Variants in HEATR4 observed in about 807,000 individuals in gnomAD.
HEATR4 encodes HEAT repeat-containing protein 4.
Under a neutral mutation model 108.8 loss-of-function variants are expected in HEATR4, and 95 were observed. That is an observed-to-expected ratio of 0.87 (90% CI 0.74 to 1.04). HEATR4 has a LOEUF of 1.04. Ranked by LOEUF, HEATR4 falls within the 50% of genes least tolerant of loss-of-function variation. The pLI, the probability that HEATR4 is intolerant of heterozygous loss-of-function variation, is 0.00. For synonymous variants in HEATR4, 443 were observed against 459.4 expected (o/e 0.96, Z 0.46); for missense variants, 1,152 against 1,253.8 (o/e 0.92, Z 1.23).
the HEATR4 span, among the ~76,000 whole-genome samples, chr14:73,614,872 G>A: frequency 6.6e-6 from 1 of 152,026 alleles, no homozygotes; most frequent in Non-Finnish European, 1.5e-5. Flanking sequence ...CGAGGCAGGT[G>A]GATCACCTGA....
chr14:73,506,540 A>C lies in HEATR4; in HGVS notation c.1913T>G (p.Leu638Arg). The change falls in exon 10 of 18, where the codon CTG (leucine) becomes CGG (arginine). Residue 638 changes from leucine to arginine, a missense_variant. Leu to Arg is a moderately radical substitution (Grantham distance 102). Transcript: ENST00000553558. ...CCGGTTCTTCCATTGACAGCTGTTC[A>C]GCTCCACAGCAAGCATGGTGTGTAT... Reference protein sequence around the residue: ...TLIHTMLAVELNSCQWKNRIV... With the variant: ...TLIHTMLAVERNSCQWKNRIV... The C allele has an allele frequency of 1.2e-6, 2 of 1,613,768 alleles. No homozygotes were observed. The highest frequency in any genetic ancestry group is 1.7e-6 in the Non-Finnish European group (2 of 1,179,978).
the HEATR4 span, among the ~76,000 whole-genome samples, chr14:73,594,673 G>GTTATTTATTTATTTAT: frequency 2.0e-5 from 3 of 147,132 alleles, no homozygotes; most frequent in African/African-American, 5.0e-5. Context: ...CATTGGATAA[G>GTTATTTATTTATTTAT]TTATTTATTT....
intron 9 of HEATR4, among the ~76,000 whole-genome samples, chr14:73,506,881 A>G (rs1595107100): frequency 7.3e-6 from 1 of 136,724 alleles, no homozygotes; most frequent in Admixed American, 8.4e-5. Flanking sequence ...GCTCACTGCA[A>G]CCTCCGCCTC....
the HEATR4 span, among the ~76,000 whole-genome samples, chr14:73,590,775 G>A: frequency 4.0e-5 from 6 of 151,810 alleles, no homozygotes; most frequent in Admixed American, 3.3e-4. Context: ...GCGCTGGCCC[G>A]CAAGCCCCGC....
the HEATR4 span, among the ~76,000 whole-genome samples, chr14:73,568,698 T>A: frequency 9.9e-5 from 15 of 151,958 alleles, no homozygotes; most frequent in Admixed American, 4.6e-4. Flanking sequence ...GGCGGGCGGA[T>A]TACAAAGTCA....
At chr14:73,527,883 G>A (rs1177652412) in intron 2 of HEATR4, among the ~76,000 whole-genome samples, 2 of 149,694 alleles carry the variant, frequency 1.3e-5, no homozygotes, top group Admixed American at 1.3e-4. Context: ...GGAGGCTGAG[G>A]CAGGAGAGTT....
chr14:73,528,541 C>G (rs1176241468), intron 2 of HEATR4, among the ~76,000 whole-genome samples: 1 of 152,032 alleles, frequency 6.6e-6, no homozygotes, highest in African/African-American at 2.4e-5. Context: ...GAGGCTTGTT[C>G]TGGCTTGTCT....
chr14:73,483,065 G>C (rs1220468793), intron 17 of HEATR4, among the ~76,000 whole-genome samples: 1 of 152,182 alleles, frequency 6.6e-6, no homozygotes, highest in African/African-American at 2.4e-5. Flanking sequence ...AATGTATAGA[G>C]CAACTTCAGT....
chr14:73,607,777 C>T, the HEATR4 span, among the ~76,000 whole-genome samples: 5 of 151,686 alleles, frequency 3.3e-5, no homozygotes, highest in African/African-American at 2.4e-5. Flanking sequence ...GCATGCACCA[C>T]CACGCCTGGC....
chr14:73,535,631 G>A lies in HEATR4; in HGVS notation c.-151-5387C>T, dbSNP rs2140308974. On this transcript the variant is annotated intron_variant, in intron 1 of 17. Coordinates refer to ENST00000553558, the MANE Select transcript of HEATR4 (RefSeq NM_001220484.1). ...CTACAGGCGCCTGCCACCACGCCCG[G>A]CGAATTTTTTGTATTTTTGGTTTTT... 1.8e-5 allele frequency among the ~76,000 whole-genome samples: 2 copies of A among 109,624 alleles called. 1 individual carries two copies. The highest frequency in any genetic ancestry group is 3.9e-5 in the Non-Finnish European group (2 of 50,960). The allele number at this position is 109,624 out of a possible 152,430, so 71.9% of individuals were successfully genotyped here.
At position 73,536,377 on chromosome 14, in the gene HEATR4, C is replaced by T. The variant is rs1202991534; in HGVS notation, c.-151-6133G>A. Among the ~76,000 whole-genome samples, 9 of 110,154 alleles carry T rather than the reference C, an allele frequency of 8.2e-5. 1 individual carries two copies. The highest frequency in any genetic ancestry group is 2.7e-4 in the African/African-American group (9 of 33,788). The allele number at this position is 110,154 out of a possible 152,430, so 72.3% of individuals were successfully genotyped here. A position where few individuals can be genotyped will look rare whatever the true frequency, so the allele number is the denominator to read the frequency against. On this transcript the variant is annotated intron_variant, in intron 1 of 17. Coordinates refer to ENST00000553558, the MANE Select transcript of HEATR4 (RefSeq NM_001220484.1). Reference sequence around the variant, plus strand: ...AGAAAAAAGCCCAATGCATGGGGAGCGCCGGTAGTCCCTTGAGGTGTTTGA... The same window carrying T: ...AGAAAAAAGCCCAATGCATGGGGAGTGCCGGTAGTCCCTTGAGGTGTTTGA...
chr14:73,522,520 G>A lies in HEATR4; in HGVS notation c.633C>T (p.Asn211=), dbSNP rs193290409. The change falls in exon 3 of 18, where the codon AAC becomes AAT. Residue 211 remains asparagine, a synonymous_variant. Transcript: ENST00000553558. Reference sequence around the variant, plus strand: ...TCTGGATCCATCGGGCTGTGCGCTCGTTCAGCTTTTCCAGCACAGTGGCCT... The same window carrying A: ...TCTGGATCCATCGGGCTGTGCGCTCATTCAGCTTTTCCAGCACAGTGGCCT... ...AWEATVLEKL[N]ERTARWIQSK... 3.9e-5 allele frequency: 63 copies of A among 1,614,184 alleles called. No homozygotes were observed. The highest frequency in any genetic ancestry group is 1.0e-4 in the Admixed American group (6 of 60,016).
chr14:73,499,656 AT>A (rs1886316454), intron 12 of HEATR4, among the ~76,000 whole-genome samples: 1 of 152,154 alleles, frequency 6.6e-6, no homozygotes, highest in African/African-American at 2.4e-5. Flanking sequence ...TCTGCTATTG[AT>A]TTTCTCAGTC....
At chr14:73,484,855 CACACACAT>C (rs1450422941) in intron 17 of HEATR4, among the ~76,000 whole-genome samples, 1 of 151,470 alleles carries the variant, frequency 6.6e-6, no homozygotes, top group African/African-American at 2.4e-5. Flanking sequence ...CACACACACA[CACACACAT>C]ATATGGTTTT....
chr14:73,556,425 C>CAA (rs1206186630), intron 1 of HEATR4, among the ~76,000 whole-genome samples: 1 of 75,262 alleles, frequency 1.3e-5, no homozygotes, highest in Non-Finnish European at 2.8e-5. Flanking sequence ...AACTTCTTCT[C>CAA]AAAAAAAAAA....
the HEATR4 span, among the ~76,000 whole-genome samples, chr14:73,600,769 A>T: frequency 6.6e-6 from 1 of 152,122 alleles, no homozygotes; most frequent in South Asian, 2.1e-4. Context: ...CAATTTTCTT[A>T]AAAACTTTGT....
At chr14:73,505,427 C>T (rs1322079146) in intron 10 of HEATR4, among the ~76,000 whole-genome samples, 1 of 151,468 alleles carries the variant, frequency 6.6e-6, no homozygotes, top group Non-Finnish European at 1.5e-5. Flanking sequence ...GACAGAGTCT[C>T]GCACTGTCGC....
intron 5 of HEATR4, among the ~76,000 whole-genome samples, chr14:73,516,970 G>A (rs1887639118): frequency 6.6e-6 from 1 of 152,190 alleles, no homozygotes. Context: ...CCGATCTAAA[G>A]GGAGCACACA....
chr14:73,491,889 A>T (rs777092937), intron 17 of HEATR4: 2 of 1,611,724 alleles, frequency 1.2e-6, no homozygotes, highest in South Asian at 2.2e-5. Flanking sequence ...TCCCTGTACC[A>T]GGCCGGCTGC....
Sources: gnomAD v4.1 joint callset for allele counts (sites outside exome capture counted in the v4.1 genomes callset) on GRCh38, gnomAD v4.1.1 for gene constraint, MANE v1.5 for transcripts, NCBI Gene and HGNC (gene_info 2026-07-23, HGNC 2026-07-21) for gene names.